SUPT5H: variants seen among roughly 807,000 people sequenced by gnomAD.
SUPT5H encodes SPT5 homolog, DSIF elongation factor subunit, also known as transcription elongation factor SPT5.
Under a neutral mutation model 142.5 loss-of-function variants are expected in SUPT5H, and 24 were observed. The ratio of observed to expected loss-of-function variants is 0.17; its 90% CI spans 0.12 to 0.24. The LOEUF (loss-of-function observed/expected upper bound fraction) is 0.24, where lower values mean the gene tolerates loss of function less well. Among genes scored for constraint, SUPT5H ranks in the 10% least tolerant of loss-of-function variants. The pLI is 1.00. For synonymous variants in SUPT5H, 546 were observed against 553.0 expected, an observed-to-expected ratio of 0.99 and a Z score of 0.18; for missense variants, 893 against 1,471.8, an observed-to-expected ratio of 0.61 and a Z score of 6.43.
In SUPT5H at chr19:39,468,636, A is replaced by G. The variant is rs928702913; in HGVS notation, c.1038-120A>G. The G allele has an allele frequency of 1.4e-5, 11 of 805,178 alleles. No individual in the cohort carries two copies. In the African/African-American group the frequency reaches 1.7e-4, roughly 12 times the overall value. The allele number at this position is 805,178 out of a possible 1,614,324, so 49.9% of individuals were successfully genotyped here. On this transcript the variant is annotated intron_variant, in intron 13 of 29. Transcript: ENST00000432763. ...TGCTGCCAAGAGGGTGTGTGCTGGG[A>G]TGGGATGGGTCAGTCTGCCTGTGGT...
chr19:39,445,939 C>G lies in SUPT5H; in HGVS notation c.49C>G (p.Arg17Gly), dbSNP rs1568415160. The G allele has an allele frequency of 6.2e-7, 1 of 1,613,424 alleles. No individual in the cohort carries two copies. Among genetic ancestry groups the G allele is most frequent in the East Asian group, 2.2e-5 (1 of 44,884 alleles). Residue 17 changes from arginine (R) to glycine (G), a missense_variant, in exon 2 of 30, where the codon CGC becomes GGC. This residue lies in a region of SUPT5H where 70 missense variants were observed against 70.5 expected (regional missense o/e 0.99). Transcript: ENST00000432763. ...CTTTTCCGAGGAGGAGGACAGCGAG[C>G]GCAGCAGTGACGGCGAGGAGGCCGA... The part of the protein sequence containing the change: ...SNFSEEEDSE[R>G]SSDGEEAEVD...
rs61676286 is a variant in SUPT5H, at chr19:39,465,384, C to T, written c.876+335C>T. Among the ~76,000 whole-genome samples, 392 of 152,266 alleles carry T rather than the reference C, an allele frequency of 2.6e-3. 3 individuals carry two copies. Among genetic ancestry groups the T allele is most frequent in the African/African-American group, 9.0e-3 (373 of 41,540 alleles). On this transcript the variant is annotated intron_variant, in intron 11 of 29. Transcript: ENST00000432763. ...GGCGTGAGATGAGTTAGGGAGCTCA[C>T]GAGGGCCTGCGGCCCATTGGAGAGC...
chr19:39,448,738 T>C (rs1486492010), intron 2 of SUPT5H, among the ~76,000 whole-genome samples: 3 of 152,088 alleles, frequency 2.0e-5, no homozygotes, highest in Non-Finnish European at 4.4e-5. Context: ...AATAATGAGC[T>C]ACTTTTGAGG....
Position 39,471,653 on chromosome 19 carries a change from C to A in SUPT5H, c.1873C>A (p.His625Asn), listed in dbSNP as rs1407677285. 1.2e-6 allele frequency: 2 copies of A among 1,614,100 alleles called. No individual in the cohort carries two copies. The highest frequency in any genetic ancestry group is 1.7e-6 in the Non-Finnish European group (2 of 1,180,044). The change falls in exon 20 of 30, where the codon CAT becomes AAT. Residue 625 changes from histidine to asparagine, a missense_variant. Transcript: ENST00000432763. The stretch of plus-strand genomic sequence containing the variant: ...TCTCTTCCGAAGCTTCGCCTTCCTA[C>A]ATTGCAAGAAACTGGTGGAGAACGG... ...RHLFRSFAFLHCKKLVENGGM... is the reference protein window; with the variant it reads ...RHLFRSFAFLNCKKLVENGGM...
chr19:39,460,112 T>C (rs1445324963), intron 10 of SUPT5H, 152 bp downstream of exon 10: 5 of 720,360 alleles, frequency 6.9e-6, no homozygotes, highest in East Asian at 2.7e-5. Context: ...ACTGCCTAGA[T>C]GGAAGGGCTC....
At chr19:39,453,840 C>T (rs969418242) in intron 3 of SUPT5H, among the ~76,000 whole-genome samples, 2 of 152,216 alleles carry the variant, frequency 1.3e-5, no homozygotes, top group African/African-American at 4.8e-5. Context: ...GCTGGGATTA[C>T]AGGCGTGAAG....
At chr19:39,463,879 C>CT (rs1236593186) in intron 10 of SUPT5H, among the ~76,000 whole-genome samples, 2 of 151,888 alleles carry the variant, frequency 1.3e-5, no homozygotes, top group South Asian at 4.1e-4. Context: ...ATGGATTGAC[C>CT]TTTTTATTGT....
Position 39,445,837 on chromosome 19 carries a change from G to A in SUPT5H, c.-54G>A. 5.0e-6 allele frequency: 8 copies of A among 1,594,660 alleles called. No individual in the cohort carries two copies. Among genetic ancestry groups the A allele is most frequent in the Non-Finnish European group, 6.0e-6 (7 of 1,169,232 alleles). On this transcript the variant is annotated 5_prime_UTR_variant, in exon 2 of 30. Transcript: ENST00000432763. ...CGGGGAAACTGAGGCTCGGGGTGGA[G>A]CGCAGGATTGTGGGACGCGCCAAGG...
Position 39,448,031 on chromosome 19 carries a change from A to C in SUPT5H, c.75+2066A>C, listed in dbSNP as rs1292349200. 7.9e-5 allele frequency among the ~76,000 whole-genome samples: 12 copies of C among 152,318 alleles called. No individual in the cohort carries two copies. In the East Asian group the frequency reaches 2.3e-3, roughly 29 times the overall value. ...AAGGAGCTGGCACCCTGGGACACAG[A>C]GTTGTTCTGCAGAGCAGCCGTTTGC... On this transcript the variant is annotated intron_variant, in intron 2 of 29. Transcript: ENST00000432763.
intron 28 of SUPT5H, chr19:39,475,217 TA>T (rs2079385566): frequency 3.1e-5 from 1 of 32,308 alleles, no homozygotes; most frequent in Non-Finnish European, 5.8e-5. Context: ...CTGTCTCTAC[TA>T]AAAATACAAA....
chr19:39,459,930 C>A lies in SUPT5H; in HGVS notation c.594C>A (p.Arg198=). 2 of 1,614,134 alleles carry A rather than the reference C, an allele frequency of 1.2e-6. No homozygotes were observed. The highest frequency in any genetic ancestry group is 1.7e-6 in the Non-Finnish European group (2 of 1,180,038). ...EERATAISLM[R]KFIAYQFTDT... ...GGGCCACGGCCATTTCCTTGATGCG[C>A]AAGTTCATTGCCTACCAGTTCACAG... is the stretch of plus-strand genomic sequence containing the variant. Residue 198 remains arginine (R), a synonymous_variant, in exon 10 of 30, where the codon CGC becomes CGA. Transcript: ENST00000432763.
rs1204474195 is a variant in SUPT5H, at chr19:39,469,305, G to A, written c.1281G>A (p.Glu427=). ...EHNFQPGDNV[E]VCEGELINLQ... ...ACTTCCAACCTGGGGACAACGTGGA[G>A]GTCTGTGAGGGTGAGCTCATCAACC... Residue 427 remains glutamate, a synonymous_variant, in exon 16 of 30, where the codon GAG becomes GAA. Coordinates refer to ENST00000432763, the MANE Select transcript of SUPT5H (RefSeq NM_001111020.3). This position sits in a 1 kb window ranked among gnomAD's most constrained non-coding sequence, Gnocchi z 5.1. 2.5e-6 allele frequency: 4 copies of A among 1,614,088 alleles called. No individual in the cohort carries two copies. The African/African-American group carries it at 4.0e-5, about 16-fold the overall frequency.
chr19:39,459,390 A>C, intron 8 of SUPT5H, 141 bp downstream of exon 8: 1 of 1,337,862 alleles, frequency 7.5e-7, no homozygotes, highest in African/African-American at 1.4e-5. Flanking sequence ...AGGGAGGGCA[A>C]GGTGGCACTT....
intron 10 of SUPT5H, among the ~76,000 whole-genome samples, chr19:39,461,838 A>AAAAT (rs1555744269): frequency 2.9e-5 from 4 of 138,496 alleles, no homozygotes; most frequent in South Asian, 2.2e-4. Flanking sequence ...AAAAAAAAAA[A>AAAAT]AATAATAATA....
Position 39,470,377 on chromosome 19 carries a change from C to A in SUPT5H, c.1531C>A (p.Leu511Met). Reference protein sequence around the residue: ...ILFSDLTMHELKVLPRDLQLC... With the variant: ...ILFSDLTMHEMKVLPRDLQLC... The stretch of plus-strand genomic sequence containing the variant: ...TCACCCCTTTCACCATCCCTGGCAG[C>A]TGAAGGTGCTCCCCCGGGACCTGCA... Residue 511 changes from leucine (L) to methionine (M), a missense_variant and splice_region_variant, in exon 18 of 30, where the codon CTG (leucine) becomes ATG (methionine). Leu to Met is a conservative substitution (Grantham distance 15). Transcript: ENST00000432763. The surrounding 1 kb of genome is among the most constrained non-coding windows in gnomAD (Gnocchi z 5.8). The A allele has an allele frequency of 6.4e-7, 1 of 1,562,152 alleles. No individual in the cohort carries two copies. The highest frequency in any genetic ancestry group is 8.7e-7 in the Non-Finnish European group (1 of 1,151,562).
Position 39,466,964 on chromosome 19 carries a change from T to C in SUPT5H, c.1037+219T>C, listed in dbSNP as rs1054571279. 1 of 575,072 alleles carries C rather than the reference T, an allele frequency of 1.7e-6. No homozygotes were observed. Among genetic ancestry groups the C allele is most frequent in the Non-Finnish European group, 3.1e-6 (1 of 323,640 alleles). 35.6% of individuals were successfully genotyped at this position (575,072 alleles called of 1,614,324 possible). A position where few individuals can be genotyped will look rare whatever the true frequency, so the allele number is the denominator to read the frequency against. On this transcript the variant is annotated intron_variant, in intron 13 of 29. Transcript: ENST00000432763. The surrounding 1 kb of genome is among the most constrained non-coding windows in gnomAD (Gnocchi z 4.3). The stretch of plus-strand genomic sequence containing the variant: ...CTGGGCGCAGCGGGAGGGAGCACTT[T>C]GGAAGGCTAAGGCAGGAGGCTTGCT...
chr19:39,451,842 T>G (rs1412298071), intron 2 of SUPT5H, among the ~76,000 whole-genome samples: 1 of 152,158 alleles, frequency 6.6e-6, no homozygotes, highest in Non-Finnish European at 1.5e-5. Context: ...AGATTTCAGA[T>G]TTTTGGATTA....
At chr19:39,464,026 C>A (rs998517294) in intron 10 of SUPT5H, among the ~76,000 whole-genome samples, 2 of 150,504 alleles carry the variant, frequency 1.3e-5, no homozygotes, top group African/African-American at 4.9e-5. Context: ...TCTTATTGCC[C>A]AGACTGGAGT....
Position 39,468,838 on chromosome 19 carries a change from A to C in SUPT5H, c.1120A>C (p.Lys374Gln). Residue 374 changes from lysine (K) to glutamine (Q), a missense_variant, in exon 14 of 30, where the codon AAG becomes CAG. Physicochemically the swap from Lys to Gln is moderately conservative, Grantham distance 53. This residue lies in a region of SUPT5H where 428 missense variants were observed against 763.5 expected (regional missense o/e 0.56). Transcript: ENST00000432763. Reference protein sequence around the residue: ...NRYSRKGFLFKSFAMSAVITE... With the variant: ...NRYSRKGFLFQSFAMSAVITE... The stretch of plus-strand genomic sequence containing the variant: ...TTACAGCCGGAAGGGCTTTCTGTTC[A>C]AGAGCTTCGCCATGTCTGCTGTGGT... 6.2e-7 allele frequency: 1 copy of C among 1,614,148 alleles called. No homozygotes were observed. The highest frequency in any genetic ancestry group is 8.5e-7 in the Non-Finnish European group (1 of 1,180,024).
Sources: gnomAD v4.1 joint callset for allele counts (sites outside exome capture counted in the v4.1 genomes callset) on GRCh38, gnomAD v4.1.1 for gene constraint, gnomAD v4.1.1 regional missense constraint, Gnocchi (gnomAD v3.1) non-coding constraint, MANE v1.5 for transcripts, NCBI Gene and HGNC (gene_info 2026-07-23, HGNC 2026-07-21) for gene names.